The following LRRC8A variants were observed in gnomAD, a reference collection of about 807,000 sequenced individuals.
LRRC8A encodes the protein volume-regulated anion channel subunit LRRC8A.
LRRC8A carries 24 observed loss-of-function variants against 52.5 expected under a neutral mutation model. That is an observed-to-expected ratio of 0.46 (90% CI 0.33 to 0.64). The LOEUF (loss-of-function observed/expected upper bound fraction) is 0.64, where lower values mean the gene tolerates loss of function less well. LRRC8A is among the 30% of genes least tolerant of loss of function. LRRC8A has a pLI of 0.02. For synonymous variants in LRRC8A, 492 were observed against 494.2 expected (o/e 1.00, Z 0.06); for missense variants, 677 against 1,094.7 (o/e 0.62, Z 5.38).
In LRRC8A at chr9:128,908,281, G is replaced by A. The variant is rs2131022022; in HGVS notation, c.1117G>A (p.Ala373Thr). The A allele has an allele frequency of 6.2e-7, 1 of 1,614,078 alleles. No homozygotes were observed. Among genetic ancestry groups the A allele is most frequent in the Non-Finnish European group, 8.5e-7 (1 of 1,180,024 alleles). ...CATCCCCGACGTCAAGAACGACTTC[G>A]CCTTCATGCTGCACCTCATTGACCA... Reference protein sequence around the residue: ...SDIPDVKNDFAFMLHLIDQYD... With the variant: ...SDIPDVKNDFTFMLHLIDQYD... Residue 373 changes from alanine (A) to threonine (T), a missense_variant, in exon 3 of 4, where the codon GCC becomes ACC. Coordinates refer to ENST00000372600, the MANE Select transcript of LRRC8A (RefSeq NM_019594.4).
chr9:128,916,254 G>A lies in LRRC8A; in HGVS notation c.2316G>A (p.Glu772=). The A allele has an allele frequency of 6.2e-7, 1 of 1,613,864 alleles. No individual in the cohort carries two copies. Among genetic ancestry groups the A allele is most frequent in the South Asian group, 1.1e-5 (1 of 91,084 alleles). The change falls in exon 4 of 4, where the codon GAG becomes GAA. Residue 772 remains glutamate (E), a synonymous_variant. Coordinates refer to ENST00000372600, the MANE Select transcript of LRRC8A (RefSeq NM_019594.4). This position sits in a 1 kb window ranked among gnomAD's most constrained non-coding sequence, Gnocchi z 6.1. ...ACCGGCTGGAGTGCCTGCCTGTGGAGCTGGGCGAGTGCCCACTGCTCAAGC... is the reference window on the plus strand; with the variant it reads ...ACCGGCTGGAGTGCCTGCCTGTGGAACTGGGCGAGTGCCCACTGCTCAAGC... ...RGNRLECLPV[E]LGECPLLKRS... is the part of the protein sequence containing the mutation.
intron 3 of LRRC8A, among the ~76,000 whole-genome samples, chr9:128,915,745 G>A (rs1273981187): frequency 6.6e-6 from 1 of 152,196 alleles, no homozygotes; most frequent in Non-Finnish European, 1.5e-5. Context: ...TGGCCAATGC[G>A]ATATACTTCC....
intron 2 of LRRC8A, among the ~76,000 whole-genome samples, chr9:128,897,953 T>A (rs375850735): frequency 1.4e-5 from 2 of 144,480 alleles, no homozygotes; most frequent in East Asian, 4.1e-4. Flanking sequence ...AGAGTGAGAC[T>A]CTGTCTCAAA....
intron 3 of LRRC8A, among the ~76,000 whole-genome samples, chr9:128,914,159 T>C (rs1305826229): frequency 1.3e-5 from 2 of 151,858 alleles, no homozygotes; most frequent in Non-Finnish European, 2.9e-5. Context: ...GAGCCAAGAT[T>C]GCGCCACTGC....
intron 3 of LRRC8A, among the ~76,000 whole-genome samples, chr9:128,910,310 C>T (rs1255621991): frequency 1.3e-5 from 2 of 152,218 alleles, no homozygotes; most frequent in Non-Finnish European, 2.9e-5. Context: ...CAGCCAGCCA[C>T]CCTTCTGCCC....
In LRRC8A at chr9:128,908,595, C is replaced by A; in HGVS notation, c.1431C>A (p.Tyr477Ter). The A allele has an allele frequency of 1.9e-6, 3 of 1,612,774 alleles. No homozygotes were observed. Among genetic ancestry groups the A allele is most frequent in the Non-Finnish European group, 2.5e-6 (3 of 1,179,974 alleles). ...CGGGCCTCAAGGAGCTGTGGCTCTA[C>A]CACACAGCGGCCAAGATTGAAGCGC... The part of the protein sequence containing the change: ...QLTGLKELWL[Y>*]HTAAKIEAPA... The change falls in exon 3 of 4, where the codon TAC becomes TAA. Residue 477 changes from tyrosine to a stop codon, truncating the protein, a stop_gained. Transcript: ENST00000372600. LOFTEE classifies it high-confidence loss of function.
chr9:128,908,038 G>A lies in LRRC8A; in HGVS notation c.874G>A (p.Asp292Asn), dbSNP rs756269981. The part of the protein sequence containing the change: ...TVYYVHNIKF[D>N]VDCTVDIESL... ...CTACTACGTGCACAACATCAAGTTC[G>A]ACGTGGACTGCACCGTGGACATTGA... is the stretch of plus-strand genomic sequence containing the variant. The change falls in exon 3 of 4, where the codon GAC becomes AAC. Residue 292 changes from aspartate to asparagine, a missense_variant. Physicochemically the swap from Asp to Asn is conservative, Grantham distance 23. Transcript: ENST00000372600. The A allele has an allele frequency of 1.8e-5, 29 of 1,613,998 alleles. No homozygotes were observed. The highest frequency in any genetic ancestry group is 5.5e-5 in the South Asian group (5 of 91,072).
chr9:128,906,057 T>C (rs1840234243), intron 2 of LRRC8A, among the ~76,000 whole-genome samples: 1 of 152,224 alleles, frequency 6.6e-6, no homozygotes, highest in Non-Finnish European at 1.5e-5. Context: ...CCTAGGAGCC[T>C]GTCATTAAGA....
In LRRC8A at chr9:128,902,894, G is replaced by A. The variant is rs1334594545; in HGVS notation, c.-8-4263G>A. Reference sequence around the variant, plus strand: ...TGGAGCTGCCAGCCCAGGGCGGGCGGTGGTGTCTGCTGGCCCCTTTGTGAC... The same window carrying A: ...TGGAGCTGCCAGCCCAGGGCGGGCGATGGTGTCTGCTGGCCCCTTTGTGAC... On this transcript the variant is annotated intron_variant, in intron 2 of 3. Transcript: ENST00000372600. This position sits in a 1 kb window ranked among gnomAD's most constrained non-coding sequence, Gnocchi z 4.1. Among the ~76,000 whole-genome samples, 1 of 152,180 alleles carries A rather than the reference G, an allele frequency of 6.6e-6. No homozygotes were observed. The highest frequency in any genetic ancestry group is 2.4e-5 in the African/African-American group (1 of 41,444).
At chr9:128,898,091 T>C (rs1192725025) in intron 2 of LRRC8A, among the ~76,000 whole-genome samples, 2 of 141,756 alleles carry the variant, frequency 1.4e-5, no homozygotes, top group African/African-American at 2.6e-5. Context: ...TGTGTGTAAT[T>C]TATGGCAGAG....
chr9:128,896,304 G>A (rs1401267065), intron 2 of LRRC8A, among the ~76,000 whole-genome samples: 4 of 152,174 alleles, frequency 2.6e-5, no homozygotes, highest in Non-Finnish European at 4.4e-5. Context: ...TTAGAACAAC[G>A]TATCCTTTCT....
At chr9:128,906,574 C>T (rs534088838) in intron 2 of LRRC8A, among the ~76,000 whole-genome samples, 5 of 152,254 alleles carry the variant, frequency 3.3e-5, no homozygotes, top group African/African-American at 9.6e-5. Flanking sequence ...CCACCCACCT[C>T]GGCCTCCCAA....
At chr9:128,882,668 TCTC>T (rs1035424284) in intron 1 of LRRC8A, 6 of 399,024 alleles carry the variant, frequency 1.5e-5, no homozygotes, top group African/African-American at 8.2e-5. Flanking sequence ...TTAGCTGTCT[TCTC>T]CTGAGTTCCT....
In LRRC8A at chr9:128,907,967, C is replaced by T. The variant is rs1379712627; in HGVS notation, c.803C>T (p.Thr268Ile). 2 of 1,614,118 alleles carry T rather than the reference C, an allele frequency of 1.2e-6. No individual in the cohort carries two copies. Among genetic ancestry groups the T allele is most frequent in the East Asian group, 4.5e-5 (2 of 44,866 alleles). ...GTGTACCGCCTCTACATGCGGCAGA[C>T]CATCATCAAGGTGATCAAGTTCATC... ...DIVYRLYMRQTIIKVIKFILI... is the reference protein window; with the variant it reads ...DIVYRLYMRQIIIKVIKFILI... Residue 268 changes from threonine to isoleucine, a missense_variant, in exon 3 of 4, where the codon ACC becomes ATC. By Grantham distance (89) the Thr-to-Ile change is moderately conservative (BLOSUM62 -1). Transcript: ENST00000372600. The surrounding 1 kb of genome is among the most constrained non-coding windows in gnomAD (Gnocchi z 9.3).
rs1329465906 is a variant in LRRC8A, at chr9:128,908,400, G to A, written c.1236G>A (p.Thr412=). The change falls in exon 3 of 4, where the codon ACG becomes ACA. Residue 412 remains threonine (T), a synonymous_variant. Transcript: ENST00000372600. ...LRQLNLNNEW[T]LDKLRQRLTK... is the part of the protein sequence containing the mutation. ...AGCTGAACCTCAACAACGAGTGGAC[G>A]CTGGACAAGCTCCGGCAGCGGCTCA... 1.5e-5 allele frequency: 25 copies of A among 1,613,600 alleles called. No individual in the cohort carries two copies. Among genetic ancestry groups the A allele is most frequent in the African/African-American group, 8.0e-5 (6 of 74,932 alleles).
intron 1 of LRRC8A, chr9:128,882,925 A>C (rs1439397780): frequency 2.5e-6 from 1 of 397,182 alleles, no homozygotes; most frequent in South Asian, 1.4e-4. Flanking sequence ...CTGGATACCC[A>C]GCAAACTGAG....
chr9:128,914,774 T>G (rs73670002), intron 3 of LRRC8A, among the ~76,000 whole-genome samples: 1,924 of 152,326 alleles, frequency 0.013, 29 homozygotes, highest in African/African-American at 0.042. Flanking sequence ...CAGGCTCAAC[T>G]CATGGCCTTA....
rs1282207483 is a variant in LRRC8A at position 128,911,253 on chromosome 9, G to C, written c.2157+1932G>C. Among the ~76,000 whole-genome samples, 1 of 152,076 alleles carries C rather than the reference G, an allele frequency of 6.6e-6. No individual in the cohort carries two copies. Among genetic ancestry groups the C allele is most frequent in the Non-Finnish European group, 1.5e-5 (1 of 68,004 alleles). On this transcript the variant is annotated intron_variant, in intron 3 of 3. Transcript: ENST00000372600. This position sits in a 1 kb window ranked among gnomAD's most constrained non-coding sequence, Gnocchi z 4.9. ...GGAAGCCTTCCTCCCCTCTTCCCCA[G>C]GGCTCCCTTACTGCAGAGCAACCTG...
At chr9:128,883,558 T>A (rs907909194) in intron 1 of LRRC8A, among the ~76,000 whole-genome samples, 3 of 152,186 alleles carry the variant, frequency 2.0e-5, no homozygotes, top group Non-Finnish European at 2.9e-5. Context: ...TGGAGGAGGC[T>A]GTTGTGGACA....
Sources: allele counts gnomAD v4.1 joint callset (sites outside exome capture counted in the v4.1 genomes callset), GRCh38; gene constraint gnomAD v4.1.1; non-coding constraint Gnocchi (gnomAD v3.1); transcripts MANE v1.5; gene names NCBI Gene and HGNC (gene_info 2026-07-23, HGNC 2026-07-21).